The following BMP1 variants were observed in gnomAD, a reference collection of about 807,000 sequenced individuals.
BMP1 encodes bone morphogenetic protein 1.
Under a neutral mutation model 116.8 loss-of-function variants are expected in BMP1, and 63 were observed. That is an observed-to-expected ratio of 0.54 (90% CI 0.44 to 0.67). BMP1 has a LOEUF of 0.67. Among genes scored for constraint, BMP1 ranks in the 30% least tolerant of loss-of-function variants. BMP1 has a pLI of 0.00. For synonymous variants in BMP1, 536 were observed against 533.4 expected (o/e 1.00, Z -0.07); for missense variants, 1,183 against 1,358.9 (o/e 0.87, Z 2.04).
At chr8:22,210,491 C>T (rs1160687997) in intron 19 of BMP1, among the ~76,000 whole-genome samples, 3 of 147,912 alleles carry the variant, frequency 2.0e-5, no homozygotes, top group East Asian at 3.9e-4. Flanking sequence ...CACACACTGG[C>T]ACACCCACTT....
At position 22,180,483 on chromosome 8, in the gene BMP1, G is replaced by A; in HGVS notation, c.1077G>A (p.Lys359=). The change falls in exon 8 of 20, where the codon AAG becomes AAA. Residue 359 remains lysine (K), a splice_region_variant and synonymous_variant. Coordinates refer to ENST00000306385, the MANE Select transcript of BMP1 (RefSeq NM_006129.5). ...VWRISVTPGE[K]IILNFTSLDL... ...GCATCTCTGTCACACCCGGGGAGAA[G>A]GTACGTGTGGGCTCAGCCTCTGAGC... 6.2e-7 allele frequency: 1 copy of A among 1,613,158 alleles called. No homozygotes were observed. The highest frequency in any genetic ancestry group is 8.5e-7 in the Non-Finnish European group (1 of 1,179,410).
intron 19 of BMP1, among the ~76,000 whole-genome samples, chr8:22,210,367 C>CT (rs1198888155): frequency 0.018 from 2,126 of 118,370 alleles, 32 homozygotes; most frequent in African/African-American, 0.033. Flanking sequence ...GCCTCTTCTT[C>CT]TTTTTTTTTT....
rs541312892 is a variant in BMP1 at position 22,207,399 on chromosome 8, C to T, written c.2458C>T (p.Arg820Cys). Residue 820 changes from arginine to cysteine, a missense_variant, in exon 18 of 20, where the codon CGC (arginine) becomes TGC (cysteine). Transcript: ENST00000306385. ...GRDAKAPVLG[R>C]FCGSKKPEPV... ...AGACGCCAAGGCCCCCGTCCTCGGC[C>T]GCTTCTGTGGGAGCAAGAAGCCCGA... 5.6e-6 allele frequency: 9 copies of T among 1,614,200 alleles called. No individual in the cohort carries two copies. The East Asian group carries it at 6.7e-5, about 12-fold the overall frequency.
chr8:22,172,286 G>A (rs1246097983), intron 1 of BMP1, among the ~76,000 whole-genome samples: 2 of 152,158 alleles, frequency 1.3e-5, no homozygotes, highest in Admixed American at 6.5e-5. Context: ...TCAGCATGCA[G>A]CTCCCATCTG....
Position 22,196,869 on chromosome 8 carries a change from G to T in BMP1, c.1926+29G>T, listed in dbSNP as rs555601047. On this transcript the variant is annotated intron_variant, in intron 14 of 19. Transcript: ENST00000306385. ...AGTGCCCACCAGGGGCTGAGGTGGG[G>T]CAGGAAGCTGTGAGGCGTGGGCATT... 6 of 1,594,982 alleles carry T rather than the reference G, an allele frequency of 3.8e-6. No homozygotes were observed. In the South Asian group the frequency reaches 6.8e-5, roughly 18 times the overall value.
chr8:22,201,076 C>T (rs1346021216), intron 15 of BMP1: 2 of 1,583,188 alleles, frequency 1.3e-6, no homozygotes, highest in East Asian at 2.3e-5. Flanking sequence ...GCCCTCCACC[C>T]CCACCCCTTG....
In BMP1 at chr8:22,179,921, C is replaced by A; in HGVS notation, c.961+92C>A. 3 of 1,363,174 alleles carry A rather than the reference C, an allele frequency of 2.2e-6. No homozygotes were observed. Among genetic ancestry groups the A allele is most frequent in the Non-Finnish European group, 3.0e-6 (3 of 997,736 alleles). The allele number at this position is 1,363,174 out of a possible 1,614,324, so 84.4% of individuals were successfully genotyped here. ...CCTGGTGCCACCAAGAAGGCTTAGG[C>A]TGCAAGTCTTAGAGAATGGTGTGGC... On this transcript the variant is annotated intron_variant, in intron 7 of 19. Transcript: ENST00000306385. This position sits in a 1 kb window ranked among gnomAD's most constrained non-coding sequence, Gnocchi z 4.6.
Position 22,211,623 on chromosome 8 carries a change from T to G in BMP1, c.2856T>G (p.Asp952Glu). 6.2e-7 allele frequency: 1 copy of G among 1,614,144 alleles called. No homozygotes were observed. Among genetic ancestry groups the G allele is most frequent in the Non-Finnish European group, 8.5e-7 (1 of 1,180,006 alleles). The change falls in exon 20 of 20, where the codon GAT becomes GAG. Residue 952 changes from aspartate to glutamate, a missense_variant. Coordinates refer to ENST00000306385, the MANE Select transcript of BMP1 (RefSeq NM_006129.5). ...GPPEEVYSAG[D>E]SVLVKFHSDD... ...CTGAGGAGGTGTACTCGGCGGGAGA[T>G]TCTGTCCTGGTGAAGTTCCACTCGG...
rs1270483409 is a variant in BMP1 at position 22,206,998 on chromosome 8, C to G, written c.2361+17C>G. 2.5e-6 allele frequency: 4 copies of G among 1,613,438 alleles called. No individual in the cohort carries two copies. The highest frequency in any genetic ancestry group is 3.4e-6 in the Non-Finnish European group (4 of 1,179,810). On this transcript the variant is annotated intron_variant, in intron 17 of 19. Transcript: ENST00000306385. The stretch of plus-strand genomic sequence containing the variant: ...GTCAAGCTGGTAAGGGGTCCCCTCC[C>G]CACTCCTTATGCGGTGTGGCTGCCC...
chr8:22,190,368 A>C (rs1053877783), intron 8 of BMP1, among the ~76,000 whole-genome samples: 2 of 152,200 alleles, frequency 1.3e-5, no homozygotes, highest in Admixed American at 1.3e-4. Context: ...CTGTGGAGCT[A>C]AGCTGGGTAA....
chr8:22,202,730 C>T (rs191533579), intron 16 of BMP1, among the ~76,000 whole-genome samples: 35 of 152,282 alleles, frequency 2.3e-4, no homozygotes, highest in Non-Finnish European at 3.8e-4. Flanking sequence ...GTAAAATAGG[C>T]CAGTGCGGTG....
rs182116609 is a variant in BMP1 at position 22,204,449 on chromosome 8, G to A, written c.2234-2405G>A. On this transcript the variant is annotated intron_variant, in intron 16 of 19. Transcript: ENST00000306385. ...TTGTAAATCTGAGTCGGGGCAGGGC[G>A]TGGTGGCTCATGCCTGTAATCCCAG... is the stretch of plus-strand genomic sequence containing the variant. 1.6e-3 allele frequency among the ~76,000 whole-genome samples: 243 copies of A among 152,292 alleles called. 1 individual carries two copies. The highest frequency in any genetic ancestry group is 5.4e-3 in the African/African-American group (223 of 41,542).
At chr8:22,167,618 G>A (rs541112585) in intron 1 of BMP1, among the ~76,000 whole-genome samples, 56 of 152,338 alleles carry the variant, frequency 3.7e-4, no homozygotes, top group Admixed American at 5.9e-4. Flanking sequence ...TCATGCTAGG[G>A]TGGGGCTGGC....
intron 8 of BMP1, among the ~76,000 whole-genome samples, chr8:22,184,250 T>G (rs1027210631): frequency 2.6e-5 from 4 of 152,200 alleles, no homozygotes; most frequent in Non-Finnish European, 5.9e-5. Flanking sequence ...GGCTGGGGTA[T>G]GGCATTGGGC....
At chr8:22,182,033 A>T (rs974085438) in intron 8 of BMP1, among the ~76,000 whole-genome samples, 1 of 151,656 alleles carries the variant, frequency 6.6e-6, no homozygotes, top group Non-Finnish European at 1.5e-5. Flanking sequence ...TTTCACACAG[A>T]CTCTGGACCT....
rs1372230506 is a variant in BMP1 at position 22,199,465 on chromosome 8, C to G, written c.2107+2045C>G. 12 of 1,184,934 alleles carry G rather than the reference C, an allele frequency of 1.0e-5. No homozygotes were observed. In the African/African-American group the frequency reaches 1.8e-4, roughly 17 times the overall value. 73.4% of individuals were successfully genotyped at this position (1,184,934 alleles called of 1,614,324 possible). Reference sequence around the variant, plus strand: ...CCTGCAACCTGCTCCCCCCAGCTCCCAGGTGAGGCTGCCCACTCCTGCCCC... The same window carrying G: ...CCTGCAACCTGCTCCCCCCAGCTCCGAGGTGAGGCTGCCCACTCCTGCCCC... On this transcript the variant is annotated intron_variant, in intron 15 of 19. Coordinates refer to ENST00000306385, the MANE Select transcript of BMP1 (RefSeq NM_006129.5).
chr8:22,202,207 A>G (rs1312082062), intron 16 of BMP1, among the ~76,000 whole-genome samples: 2 of 152,198 alleles, frequency 1.3e-5, no homozygotes, highest in Admixed American at 1.3e-4. Flanking sequence ...AACCATGTCC[A>G]AGTCTCTTTG....
intron 8 of BMP1, among the ~76,000 whole-genome samples, chr8:22,184,780 C>A (rs926910077): frequency 6.6e-6 from 1 of 152,220 alleles, no homozygotes; most frequent in Non-Finnish European, 1.5e-5. Flanking sequence ...CCCAAGTTTA[C>A]ACAGGTAGTA....
intron 13 of BMP1, 182 bp from the exon 14 acceptor site, chr8:22,196,498 C>G (rs959849827): frequency 1.3e-6 from 1 of 793,104 alleles, no homozygotes; most frequent in Non-Finnish European, 2.0e-6. Flanking sequence ...AGGCCCACCC[C>G]TGAGGACACC....
Sources: allele counts gnomAD v4.1 joint callset (sites outside exome capture counted in the v4.1 genomes callset), GRCh38; gene constraint gnomAD v4.1.1; non-coding constraint Gnocchi (gnomAD v3.1); transcripts MANE v1.5; gene names NCBI Gene and HGNC (gene_info 2026-07-23, HGNC 2026-07-21).